Variants in CARS2 observed in about 807,000 individuals in gnomAD.
CARS2 encodes probable cysteine--tRNA ligase, mitochondrial.
In CARS2, 52 loss-of-function variants were observed where a neutral mutation model predicts 68.8. The ratio of observed to expected loss-of-function variants is 0.76; its 90% CI spans 0.61 to 0.95. The LOEUF is 0.95. Ranked by LOEUF, CARS2 falls within the 40% of genes least tolerant of loss-of-function variation. The pLI is 0.00. For synonymous variants in CARS2, 314 were observed against 303.6 expected, an observed-to-expected ratio of 1.03 and a Z score of -0.36; for missense variants, 780 against 754.2, an observed-to-expected ratio of 1.03 and a Z score of -0.40.
intron 3 of CARS2, among the ~76,000 whole-genome samples, chr13:110,699,112 A>G (rs1420860340): frequency 6.6e-6 from 1 of 152,240 alleles, no homozygotes; most frequent in Non-Finnish European, 1.5e-5. Flanking sequence ...CCATGGGATG[A>G]TGCAGTAAGA....
intron 13 of CARS2, 53 bp from the exon 14 acceptor site, chr13:110,642,574 C>G (rs759354502): frequency 4.3e-6 from 6 of 1,394,414 alleles, no homozygotes. Context: ...ATTGTGGATG[C>G]CCCCTCCCCA....
intron 5 of CARS2, among the ~76,000 whole-genome samples, chr13:110,686,259 T>G (rs2063302725): frequency 8.6e-6 from 1 of 116,646 alleles, no homozygotes; most frequent in Non-Finnish European, 1.9e-5. Context: ...TTTTTTTTTT[T>G]GAGACAAGGT....
Position 110,665,998 on chromosome 13 carries a change from G to A in CARS2, c.919+1342C>T, listed in dbSNP as rs1341412744. The A allele has an allele frequency of 2.0e-6, 2 of 985,076 alleles. No homozygotes were observed. The highest frequency in any genetic ancestry group is 4.7e-5 in the South Asian group (1 of 21,278). The allele number at this position is 985,076 out of a possible 1,614,324, so 61.0% of individuals were successfully genotyped here. On this transcript the variant is annotated intron_variant, in intron 8 of 14. Coordinates refer to ENST00000257347, the MANE Select transcript of CARS2 (RefSeq NM_024537.4). This position sits in a 1 kb window ranked among gnomAD's most constrained non-coding sequence, Gnocchi z 4.3. Reference sequence around the variant, plus strand: ...TTTCTTCATCTGGGACAAGGGACACGACTACCTCTGTGCCTGAGACACAGT... The same window carrying A: ...TTTCTTCATCTGGGACAAGGGACACAACTACCTCTGTGCCTGAGACACAGT...
At chr13:110,681,135 C>T (rs2063146403) in intron 6 of CARS2, among the ~76,000 whole-genome samples, 1 of 152,168 alleles carries the variant, frequency 6.6e-6, no homozygotes, top group African/African-American at 2.4e-5. Context: ...GAACTCCTGG[C>T]CTCAAGTGAT....
chr13:110,655,694 TTC>T (rs1199569407), intron 9 of CARS2, among the ~76,000 whole-genome samples: 1 of 152,226 alleles, frequency 6.6e-6, no homozygotes, highest in Non-Finnish European at 1.5e-5. Context: ...TACCGTGTGG[TTC>T]TCTGTCTTGT....
At chr13:110,692,147 C>CA (rs1265217599) in intron 3 of CARS2, among the ~76,000 whole-genome samples, 1 of 146,294 alleles carries the variant, frequency 6.8e-6, no homozygotes, top group African/African-American at 2.5e-5. Flanking sequence ...TATGAGAAAA[C>CA]AAAAACCTTC....
intron 5 of CARS2, 148 bp downstream of exon 5, chr13:110,687,573 G>A (rs912752791): frequency 7.0e-6 from 4 of 574,034 alleles, no homozygotes; most frequent in Non-Finnish European, 1.3e-5. Context: ...CAGCTATTCA[G>A]GAGGCTGAGA....
intron 9 of CARS2, among the ~76,000 whole-genome samples, chr13:110,654,024 A>G (rs1370253973): frequency 1.3e-5 from 2 of 152,224 alleles, no homozygotes; most frequent in African/African-American, 4.8e-5. Context: ...CCCAGAGCCC[A>G]GGCCGGAGGA....
In CARS2 at chr13:110,642,311, T is replaced by C. The variant is rs1887454172; in HGVS notation, c.1623+4A>G. On this transcript the variant is annotated splice_donor_region_variant and intron_variant, in intron 14 of 14. Transcript: ENST00000257347. ...GATGTCCCTGACCTTGGTGCGGCAC[T>C]CACCTTGATGTTGATGCCGTGGGCA... is the stretch of plus-strand genomic sequence containing the variant. 2 of 1,547,936 alleles carry C rather than the reference T, an allele frequency of 1.3e-6. No individual in the cohort carries two copies. The highest frequency in any genetic ancestry group is 1.7e-6 in the Non-Finnish European group (2 of 1,145,170).
At chr13:110,642,787 G>A (rs761132395) in intron 13 of CARS2, 6 of 713,050 alleles carry the variant, frequency 8.4e-6, no homozygotes, top group South Asian at 1.5e-5. Flanking sequence ...AAGGGCTGGG[G>A]GCTGCATGCC....
At chr13:110,682,090 A>G (rs778764770) in intron 6 of CARS2, among the ~76,000 whole-genome samples, 24 of 151,656 alleles carry the variant, frequency 1.6e-4, no homozygotes, top group Non-Finnish European at 3.1e-4. Context: ...CTGATGCGTC[A>G]ATGGTGGGGG....
chr13:110,689,145 G>A (rs2063386810), intron 3 of CARS2, among the ~76,000 whole-genome samples: 4 of 152,164 alleles, frequency 2.6e-5, no homozygotes, highest in East Asian at 1.9e-4. Flanking sequence ...GACTAGGTTC[G>A]CTCATGTTAT....
chr13:110,683,605 TTG>T (rs1488149638), intron 5 of CARS2, among the ~76,000 whole-genome samples: 2 of 152,252 alleles, frequency 1.3e-5, no homozygotes, highest in Non-Finnish European at 2.9e-5. Flanking sequence ...ATCTTGTGCC[TTG>T]TGTTACACAA....
In CARS2 at chr13:110,676,818, C is replaced by T. The variant is rs888266823; in HGVS notation, c.785+156G>A. 1.3e-5 allele frequency among the ~76,000 whole-genome samples: 2 copies of T among 151,940 alleles called. No homozygotes were observed. Among genetic ancestry groups the T allele is most frequent in the South Asian group, 4.1e-4 (2 of 4,826 alleles). On this transcript the variant is annotated intron_variant, in intron 7 of 14. Transcript: ENST00000257347. This position sits in a 1 kb window ranked among gnomAD's most constrained non-coding sequence, Gnocchi z 4.0. ...GTCATGGGTTTCGTTCACCCCGTTC[C>T]ATGGCCCGTCACACTCCGGCAAAAA...
chr13:110,704,693 T>C (rs1386077323), intron 2 of CARS2, among the ~76,000 whole-genome samples: 1 of 151,982 alleles, frequency 6.6e-6, no homozygotes, highest in Non-Finnish European at 1.5e-5. Context: ...TGAGCCGAGA[T>C]TGCACCACTG....
At chr13:110,687,526 A>C (rs1168750943) in intron 5 of CARS2, among the ~76,000 whole-genome samples, 195 bp downstream of exon 5, 1 of 151,434 alleles carries the variant, frequency 6.6e-6, no homozygotes, top group Admixed American at 6.6e-5. Flanking sequence ...AAACAAAAAA[A>C]ATGTAGCCGG....
chr13:110,709,006 G>C (rs1594443858), upstream of CARS2, among the ~76,000 whole-genome samples: 1 of 151,886 alleles, frequency 6.6e-6, no homozygotes, highest in East Asian at 1.9e-4. Flanking sequence ...AAGTGATCCA[G>C]CCACCTCAGC....
intron 5 of CARS2, among the ~76,000 whole-genome samples, chr13:110,685,420 G>T (rs890557286): frequency 2.6e-5 from 4 of 152,148 alleles, no homozygotes; most frequent in Non-Finnish European, 5.9e-5. Context: ...AGGGCCTCAC[G>T]TGCTCATCTT....
chr13:110,680,915 C>A (rs1289803680), intron 6 of CARS2, among the ~76,000 whole-genome samples: 1 of 152,264 alleles, frequency 6.6e-6, no homozygotes, highest in Non-Finnish European at 1.5e-5. Context: ...CAGGGCAGGG[C>A]AGAGAGGCTG....
Sources: gnomAD v4.1 joint callset for allele counts (sites outside exome capture counted in the v4.1 genomes callset) on GRCh38, gnomAD v4.1.1 for gene constraint, Gnocchi (gnomAD v3.1) non-coding constraint, MANE v1.5 for transcripts, NCBI Gene and HGNC (gene_info 2026-07-23, HGNC 2026-07-21) for gene names.